The following TMEM273 variants were observed in gnomAD, a reference collection of about 807,000 sequenced individuals.
TMEM273 encodes chromosome 10 open reading frame 128.
Under a neutral mutation model 17.9 loss-of-function variants are expected in TMEM273, and 19 were observed. That is an observed-to-expected ratio of 1.06 (90% CI 0.74 to 1.55). The LOEUF is 1.55. TMEM273 is among the 40% of genes most tolerant of loss of function. The probability of loss-of-function intolerance (pLI) is 0.00; values close to 1 mark genes in which losing one functional copy is unlikely to be tolerated. For missense variants in TMEM273, 194 were observed against 155.6 expected (o/e 1.25, Z -1.31); for synonymous variants, 66 against 62.0 (o/e 1.07, Z -0.31).
At chr10:49,182,901 T>A (rs1847434720) in intron 1 of TMEM273, among the ~76,000 whole-genome samples, 1 of 152,170 alleles carries the variant, frequency 6.6e-6, no homozygotes, top group Non-Finnish European at 1.5e-5. Flanking sequence ...GGCCATGCAG[T>A]CTTCTGGAAG....
intron 3 of TMEM273, 109 bp from the exon 4 acceptor site, chr10:49,165,905 C>A (rs924606906): frequency 2.8e-6 from 4 of 1,417,182 alleles, no homozygotes; most frequent in African/African-American, 1.4e-5. Flanking sequence ...CACGGTTGCC[C>A]TCGAGAGACC....
At chr10:49,183,528 A>T (rs184568938) in intron 1 of TMEM273, among the ~76,000 whole-genome samples, 356 of 152,328 alleles carry the variant, frequency 2.3e-3, no homozygotes, top group African/African-American at 6.4e-3. Flanking sequence ...AAAATTTTTT[A>T]AAAAGTTAAA....
intron 1 of TMEM273, among the ~76,000 whole-genome samples, chr10:49,170,289 T>G (rs1846473495): frequency 6.6e-6 from 1 of 152,032 alleles, no homozygotes; most frequent in Non-Finnish European, 1.5e-5. Flanking sequence ...TGGCCTTGGT[T>G]TCTCCAACAG....
chr10:49,179,181 G>T (rs981736198), intron 1 of TMEM273, among the ~76,000 whole-genome samples: 1 of 152,194 alleles, frequency 6.6e-6, no homozygotes, highest in Non-Finnish European at 1.5e-5. Context: ...AGCAATTGTG[G>T]TAGATAAATG....
chr10:49,160,582 G>A (rs1343513729), intron 6 of TMEM273: 1 of 152,010 alleles, frequency 6.6e-6, no homozygotes, highest in African/African-American at 2.4e-5. Context: ...AGCAATAAAA[G>A]ATACTTCTGA....
At chr10:49,180,945 A>C (rs1455904432) in intron 1 of TMEM273, among the ~76,000 whole-genome samples, 1 of 152,252 alleles carries the variant, frequency 6.6e-6, no homozygotes, top group Non-Finnish European at 1.5e-5. Flanking sequence ...AAATAAAGGC[A>C]TACTATTCAG....
intron 6 of TMEM273, among the ~76,000 whole-genome samples, chr10:49,159,253 ACT>A (rs1051665980): frequency 1.3e-5 from 2 of 152,108 alleles, no homozygotes; most frequent in Non-Finnish European, 2.9e-5. Flanking sequence ...AGTGTTTCTG[ACT>A]CTCTATCCAA....
intron 1 of TMEM273, among the ~76,000 whole-genome samples, chr10:49,186,068 G>GGAGGAAGAA (rs1554850043): frequency 8.9e-5 from 6 of 67,092 alleles, no homozygotes; most frequent in Non-Finnish European, 1.3e-4. Flanking sequence ...AAGAAGAAGA[G>GGAGGAAGAA]GAAGAAGAAG....
intron 3 of TMEM273, 79 bp downstream of exon 3, chr10:49,166,790 G>T: frequency 6.3e-7 from 1 of 1,588,836 alleles, no homozygotes; most frequent in East Asian, 2.2e-5. Flanking sequence ...GTTCATTCTT[G>T]CTGTAGCCAG....
chr10:49,182,516 G>A (rs1433001968), intron 1 of TMEM273, among the ~76,000 whole-genome samples: 2 of 152,136 alleles, frequency 1.3e-5, no homozygotes, highest in Non-Finnish European at 2.9e-5. Context: ...TTATTATCAT[G>A]ATTATAATAA....
chr10:49,156,266 G>T, intron 6 of TMEM273: 4 of 1,341,046 alleles, frequency 3.0e-6, no homozygotes, highest in Non-Finnish European at 3.9e-6. Context: ...GATGCTACGA[G>T]GAACAAGATA....
At chr10:49,170,826 G>A (rs779210319) in intron 1 of TMEM273, among the ~76,000 whole-genome samples, 76 of 152,214 alleles carry the variant, frequency 5.0e-4, no homozygotes, top group Non-Finnish European at 9.6e-4. Context: ...CAGCAGCCTG[G>A]CCGGCCCCAC....
In TMEM273 at chr10:49,188,351, C is replaced by A; in HGVS notation, c.-15G>T. ...CCCAAGTTCATGCTGGCGCTCTGCT[C>A]TTGGCTCCTGGCTCCTGGCTGCTGG... On this transcript the variant is annotated 5_prime_UTR_variant, in exon 1 of 7. Coordinates refer to ENST00000374153, the MANE Select transcript of TMEM273 (RefSeq NM_001288740.3). 6.2e-7 allele frequency: 1 copy of A among 1,614,190 alleles called. No homozygotes were observed. The highest frequency in any genetic ancestry group is 8.5e-7 in the Non-Finnish European group (1 of 1,180,026).
At chr10:49,177,173 C>T (rs1590234949) in intron 1 of TMEM273, among the ~76,000 whole-genome samples, 1 of 152,382 alleles carries the variant, frequency 6.6e-6, no homozygotes, top group East Asian at 1.9e-4. Context: ...TTCCCTTACC[C>T]AAGCCCTGGC....
chr10:49,178,718 G>C (rs1847157460), intron 1 of TMEM273, among the ~76,000 whole-genome samples: 1 of 152,200 alleles, frequency 6.6e-6, no homozygotes, highest in Non-Finnish European at 1.5e-5. Context: ...GGATACTCTA[G>C]TTTGGTTCAA....
rs1846225386 is a variant in TMEM273, at chr10:49,166,901, G to A, written c.206C>T (p.Ser69Phe). 6.2e-7 allele frequency: 1 copy of A among 1,614,084 alleles called. No homozygotes were observed. The highest frequency in any genetic ancestry group is 8.5e-7 in the Non-Finnish European group (1 of 1,180,032). ...IRRHLFDDDS[S>F]DLKSTPGGLS... ...GCCCCCAGGCGTGCTTTTCAGGTCG[G>A]AAGAGTCGTCGTCAAATAAGTGCCT... is the stretch of plus-strand genomic sequence containing the variant. Residue 69 changes from serine to phenylalanine, a missense_variant, in exon 3 of 7, where the codon TCC becomes TTC. Coordinates refer to ENST00000374153, the MANE Select transcript of TMEM273 (RefSeq NM_001288740.3).
At position 49,155,838 on chromosome 10, in the gene TMEM273, G is replaced by A; in HGVS notation, c.*54C>T. 6.2e-7 allele frequency: 1 copy of A among 1,613,784 alleles called. No individual in the cohort carries two copies. The highest frequency in any genetic ancestry group is 1.1e-5 in the South Asian group (1 of 90,994). On this transcript the variant is annotated 3_prime_UTR_variant, in exon 7 of 7. Coordinates refer to ENST00000374153, the MANE Select transcript of TMEM273 (RefSeq NM_001288740.3). ...CAGAACATCCTGAGATGTTAACCAT[G>A]GGCTGTTTTCCACGGGGCTAGAACC...
In TMEM273 at chr10:49,165,765, C is replaced by T; in HGVS notation, c.269+1G>A. ...CCTGACTGTGTGGGCAGTGACCTTA[C>T]CTTGGGGCTCTCTTCTTTAGCGGGA... On this transcript the variant is annotated splice_donor_variant, in intron 4 of 6. Transcript: ENST00000374153. LOFTEE classifies it high-confidence loss of function. 6.2e-7 allele frequency: 1 copy of T among 1,614,138 alleles called. No homozygotes were observed. The highest frequency in any genetic ancestry group is 8.5e-7 in the Non-Finnish European group (1 of 1,180,006).
intron 1 of TMEM273, among the ~76,000 whole-genome samples, chr10:49,176,865 G>T (rs1847013823): frequency 6.6e-6 from 1 of 152,228 alleles, no homozygotes; most frequent in Admixed American, 6.5e-5. Flanking sequence ...ACTCTAGTTA[G>T]CTTTTTAAGA....
Sources: gnomAD v4.1 joint callset for allele counts (sites outside exome capture counted in the v4.1 genomes callset) on GRCh38, gnomAD v4.1.1 for gene constraint, MANE v1.5 for transcripts, NCBI Gene and HGNC (gene_info 2026-07-23, HGNC 2026-07-21) for gene names.